Variants in LTBP1 observed in about 807,000 individuals in gnomAD.
LTBP1 encodes latent transforming growth factor beta binding protein 1.
In LTBP1, 129 loss-of-function variants were observed where a neutral mutation model predicts 207.6. The ratio of observed to expected loss-of-function variants is 0.62; its 90% confidence interval spans 0.54 to 0.72. The LOEUF (loss-of-function observed/expected upper bound fraction) is 0.72, where lower values mean the gene tolerates loss of function less well. Among genes scored for constraint, LTBP1 ranks in the 30% least tolerant of loss-of-function variants. LTBP1 has a pLI of 0.00. For missense variants in LTBP1, 2,281 were observed against 2,217.2 expected, an observed-to-expected ratio of 1.03 and a Z score of -0.58; for synonymous variants, 963 against 833.7, an observed-to-expected ratio of 1.16 and a Z score of -2.67.
At chr2:33,391,915 T>C (rs1357444706) in intron 32 of LTBP1, among the ~76,000 whole-genome samples, 3 of 152,234 alleles carry the variant, frequency 2.0e-5, no homozygotes, top group Non-Finnish European at 4.4e-5. Flanking sequence ...GCTTGGACGA[T>C]GTAATGGCCT....
chr2:33,267,651 C>A (rs144181391), intron 15 of LTBP1, among the ~76,000 whole-genome samples: 5 of 152,178 alleles, frequency 3.3e-5, no homozygotes, highest in Non-Finnish European at 5.9e-5. Flanking sequence ...TTTACTAGTT[C>A]TTTCAAAATA....
intron 5 of LTBP1, among the ~76,000 whole-genome samples, chr2:33,142,778 T>C (rs187290016): frequency 1.3e-5 from 2 of 152,282 alleles, no homozygotes; most frequent in East Asian, 3.9e-4. Context: ...GATAGATTGC[T>C]CCTTTTAAGC....
chr2:33,135,993 C>A (rs1260541136), intron 5 of LTBP1, among the ~76,000 whole-genome samples: 1 of 152,098 alleles, frequency 6.6e-6, no homozygotes, highest in Non-Finnish European at 1.5e-5. Flanking sequence ...GAAGGGGTGT[C>A]TGTGTCAAAC....
intron 2 of LTBP1, among the ~76,000 whole-genome samples, chr2:33,010,605 T>A (rs758149874): frequency 1.3e-5 from 2 of 152,218 alleles, no homozygotes; most frequent in African/African-American, 2.4e-5. Context: ...ACACATTCTC[T>A]GCAGGTAACA....
intron 20 of LTBP1, among the ~76,000 whole-genome samples, chr2:33,298,611 G>A (rs1205542735): frequency 2.0e-5 from 3 of 152,160 alleles, no homozygotes; most frequent in African/African-American, 7.2e-5. Context: ...ATCTTTGCTG[G>A]CAACCATTCC....
At chr2:33,172,014 A>C (rs889977838) in intron 5 of LTBP1, among the ~76,000 whole-genome samples, 6 of 152,254 alleles carry the variant, frequency 3.9e-5, no homozygotes, top group Non-Finnish European at 8.8e-5. Context: ...GAAGCACTAA[A>C]CATGGAAAGG....
At chr2:32,962,785 T>C (rs534750972) in intron 2 of LTBP1, among the ~76,000 whole-genome samples, 2 of 152,348 alleles carry the variant, frequency 1.3e-5, no homozygotes, top group South Asian at 4.1e-4. Context: ...TCTCAAAGTA[T>C]AGACCCTGGA....
chr2:33,197,620 T>C (rs1035742934), intron 7 of LTBP1, among the ~76,000 whole-genome samples: 4 of 152,244 alleles, frequency 2.6e-5, no homozygotes, highest in African/African-American at 9.6e-5. Context: ...TGACCTAAAT[T>C]CAAAGCTTGT....
At chr2:33,124,941 CTTA>C (rs1558668391) in intron 4 of LTBP1, among the ~76,000 whole-genome samples, 2 of 152,166 alleles carry the variant, frequency 1.3e-5, no homozygotes, top group African/African-American at 4.8e-5. Context: ...CTTTGAACTT[CTTA>C]TTATCAGTTT....
intron 3 of LTBP1, among the ~76,000 whole-genome samples, chr2:33,040,488 G>C (rs1226930244): frequency 6.6e-6 from 1 of 152,106 alleles, no homozygotes; most frequent in Non-Finnish European, 1.5e-5. Context: ...CCAAGAAGAG[G>C]GATGTGCCTT....
chr2:32,952,124 A>G (rs1046390017), intron 2 of LTBP1, among the ~76,000 whole-genome samples: 8 of 152,358 alleles, frequency 5.3e-5, no homozygotes, highest in Non-Finnish European at 1.0e-4. Flanking sequence ...TATTTGCCTA[A>G]TCCAGTGAAG....
At chr2:32,955,382 G>T (rs1250925149) in intron 2 of LTBP1, among the ~76,000 whole-genome samples, 2 of 152,200 alleles carry the variant, frequency 1.3e-5, no homozygotes, top group Non-Finnish European at 2.9e-5. Flanking sequence ...TTTTGGGAGA[G>T]CTGGAAATTT....
chr2:33,195,316 A>G lies in LTBP1; in HGVS notation c.1701+6465A>G, dbSNP rs377304438. On this transcript the variant is annotated intron_variant, in intron 7 of 33. Transcript: ENST00000404816. ...AAAGTAAATAAAAAGCTTTCTGGAA[A>G]GAGTTTGCCATTCTAGATGCCATTA... Among the ~76,000 whole-genome samples, 5 of 152,238 alleles carry G rather than the reference A, an allele frequency of 3.3e-5. No homozygotes were observed. In the East Asian group the frequency reaches 9.6e-4, roughly 29 times the overall value.
chr2:33,154,785 G>A (rs1367389104), intron 5 of LTBP1, among the ~76,000 whole-genome samples: 4 of 152,166 alleles, frequency 2.6e-5, no homozygotes, highest in Non-Finnish European at 4.4e-5. Context: ...GAACTAGGCC[G>A]GGCGCGGTGG....
intron 32 of LTBP1, among the ~76,000 whole-genome samples, chr2:33,394,608 T>C (rs944604835): frequency 3.9e-5 from 6 of 152,222 alleles, no homozygotes; most frequent in Admixed American, 6.5e-5. Flanking sequence ...AAAGATCAGA[T>C]GGTTGTAGAT....
At chr2:33,270,323 C>T (rs1413404886) in intron 15 of LTBP1, among the ~76,000 whole-genome samples, 1 of 152,026 alleles carries the variant, frequency 6.6e-6, no homozygotes, top group Non-Finnish European at 1.5e-5. Flanking sequence ...GAATCCTTGG[C>T]TCACGCCTGT....
At chr2:33,112,554 G>A (rs946092312) in intron 4 of LTBP1, among the ~76,000 whole-genome samples, 1 of 152,192 alleles carries the variant, frequency 6.6e-6, no homozygotes, top group African/African-American at 2.4e-5. Flanking sequence ...AGAAGCTCAG[G>A]AATTAACTGA....
At chr2:33,123,685 G>A (rs1442857536) in intron 4 of LTBP1, among the ~76,000 whole-genome samples, 4 of 152,188 alleles carry the variant, frequency 2.6e-5, no homozygotes, top group African/African-American at 9.7e-5. Context: ...CAAAGATCAG[G>A]TAGTTAGGAA....
intron 3 of LTBP1, among the ~76,000 whole-genome samples, chr2:33,053,027 C>T (rs1055185822): frequency 2.6e-5 from 4 of 152,092 alleles, no homozygotes; most frequent in African/African-American, 9.7e-5. Context: ...CATACCACCA[C>T]ACCCAGCTAA....
Sources: gnomAD v4.1 joint callset for allele counts (sites outside exome capture counted in the v4.1 genomes callset) on GRCh38, gnomAD v4.1.1 for gene constraint, MANE v1.5 for transcripts, NCBI Gene and HGNC (gene_info 2026-07-23, HGNC 2026-07-21) for gene names.